Variants in ATG12 observed in about 807,000 individuals in gnomAD.
ATG12 encodes the protein ubiquitin-like protein ATG12.
Under a neutral mutation model 17.6 loss-of-function variants are expected in ATG12, and 19 were observed. The observed-to-expected ratio is 1.08, with a 90% CI of 0.75 to 1.58. The LOEUF (loss-of-function observed/expected upper bound fraction) is 1.58, where lower values mean the gene tolerates loss of function less well. Among genes scored for constraint, ATG12 ranks in the 40% most tolerant of loss-of-function variants. The pLI, the probability that ATG12 is intolerant of heterozygous loss-of-function variation, is 0.00. For synonymous variants in ATG12, 75 were observed against 62.4 expected (o/e 1.20, Z -0.95); for missense variants, 214 against 162.0 (o/e 1.32, Z -1.74).
Position 115,841,317 on chromosome 5 carries a change from T to A in ATG12, c.163+73A>T. 2.5e-6 allele frequency: 4 copies of A among 1,592,628 alleles called. No homozygotes were observed. The Admixed American group carries it at 7.3e-5, about 29-fold the overall frequency. On this transcript the variant is annotated intron_variant, in intron 1 of 3. Coordinates refer to ENST00000509910, the MANE Select transcript of ATG12 (RefSeq NM_004707.4). ...CAGGCGCTCCTCTAAATTTTGCTTC[T>A]TTACTGGCCGCCACCCCTACTCGGA...
In ATG12 at chr5:115,832,599, T is replaced by TTAAAAA; in HGVS notation, c.363+2_363+3insTTTTTA. 2 of 952,586 alleles carry TTAAAAA rather than the reference T, an allele frequency of 2.1e-6. No homozygotes were observed. The highest frequency in any genetic ancestry group is 3.0e-6 in the Non-Finnish European group (2 of 670,386). 59.0% of individuals were successfully genotyped at this position (952,586 alleles called of 1,614,324 possible). A position where few individuals can be genotyped will look rare whatever the true frequency, so the allele number is the denominator to read the frequency against. ...TTTTTTTTTTTTTTTTTTTTTTTTT[T>TTAAAAA]ACCTCATAGAGAGTTCCAACTTCTT... On this transcript the variant is annotated splice_region_variant and intron_variant, in intron 3 of 3. Transcript: ENST00000509910.
intron 2 of ATG12, among the ~76,000 whole-genome samples, chr5:115,835,578 GTCCCAGAGCCCTCCTGGGTCCA>G (rs1269662254): frequency 6.6e-6 from 1 of 151,804 alleles, no homozygotes; most frequent in African/African-American, 2.4e-5. Context: ...TCAGTATGGG[GTCCCAGAGCCCTCCTGGGTCCA>G]TTTTGAGATT....
At chr5:115,839,828 T>G (rs1010343965) in intron 1 of ATG12, among the ~76,000 whole-genome samples, 2 of 152,336 alleles carry the variant, frequency 1.3e-5, no homozygotes, top group East Asian at 3.9e-4. Context: ...AAGGTAGGAA[T>G]AGTTAGAAAC....
intron 2 of ATG12, chr5:115,835,262 G>A (rs1761046236): frequency 6.6e-6 from 1 of 152,066 alleles, no homozygotes; most frequent in Non-Finnish European, 1.5e-5. Flanking sequence ...ATCGTCTCTA[G>A]GGATGCTGTT....
intron 2 of ATG12, chr5:115,834,032 C>G (rs1760993874): frequency 6.6e-6 from 1 of 152,098 alleles, no homozygotes. Flanking sequence ...GAGAAAAGTA[C>G]ATCTAATGAA....
At chr5:115,835,620 C>T (rs1239153170) in intron 2 of ATG12, among the ~76,000 whole-genome samples, 1 of 152,154 alleles carries the variant, frequency 6.6e-6, no homozygotes, top group African/African-American at 2.4e-5. Flanking sequence ...TGTTTGAGCC[C>T]TTCAAGTCCT....
chr5:115,840,417 C>G, intron 1 of ATG12: 1 of 225,696 alleles, frequency 4.4e-6, no homozygotes, highest in Non-Finnish European at 8.9e-6. Context: ...CCTGCCTCAG[C>G]CTCCCGAGTA....
intron 2 of ATG12, 161 bp from the exon 3 acceptor site, chr5:115,832,825 A>AGAT: frequency 1.7e-6 from 1 of 598,306 alleles, no homozygotes; most frequent in South Asian, 4.9e-5. Context: ...AGAGATCATT[A>AGAT]CGAAGATCTC....
chr5:115,834,706 C>T (rs1761019913), intron 2 of ATG12, among the ~76,000 whole-genome samples: 1 of 152,148 alleles, frequency 6.6e-6, no homozygotes, highest in Non-Finnish European at 1.5e-5. Flanking sequence ...GATATGAAAG[C>T]CTTATTTCAC....
Position 115,831,680 on chromosome 5 carries a change from G to A in ATG12, c.*124C>T. On this transcript the variant is annotated 3_prime_UTR_variant, in exon 4 of 4. Coordinates refer to ENST00000509910, the MANE Select transcript of ATG12 (RefSeq NM_004707.4). ...GGATGTTTTCTTATGCATAAACATA[G>A]AGTAGACACATACTAAATAGATCAC... 2.3e-6 allele frequency: 2 copies of A among 858,066 alleles called. No homozygotes were observed. Among genetic ancestry groups the A allele is most frequent in the Non-Finnish European group, 3.8e-6 (2 of 533,104 alleles). 53.2% of individuals were successfully genotyped at this position (858,066 alleles called of 1,614,324 possible).
At position 115,830,330 on chromosome 5, in the gene ATG12, G is replaced by A. The variant is rs182004521; in HGVS notation, c.*1474C>T. On this transcript the variant is annotated 3_prime_UTR_variant, in exon 4 of 4. Coordinates refer to ENST00000509910, the MANE Select transcript of ATG12 (RefSeq NM_004707.4). ...GAGGTCTATCATCTGAACCCTCAGT[G>A]GCAAACAATACGAAAATTCAACATA... 7.1e-4 allele frequency: 107 copies of A among 151,704 alleles called. No homozygotes were observed. The highest frequency in any genetic ancestry group is 2.4e-3 in the African/African-American group (98 of 41,336). 9.4% of individuals were successfully genotyped at this position (151,704 alleles called of 1,614,324 possible). A position where few individuals can be genotyped will look rare whatever the true frequency, so the allele number is the denominator to read the frequency against.
rs987628408 is a variant in ATG12 at position 115,831,825 on chromosome 5, G to C, written c.402C>G (p.Cys134Trp). The change falls in exon 4 of 4, where the codon TGC becomes TGG. Residue 134 changes from cysteine to tryptophan, a missense_variant. Cys to Trp is a radical substitution (Grantham distance 215). Coordinates refer to ENST00000509910, the MANE Select transcript of ATG12 (RefSeq NM_004707.4). ...GSDGKLVLHY[C>W]KSQAWG ...TGGTTCATCCCCACGCCTGAGACTT[G>C]CAGTAATGTAAAACCAGTTTACCAT... 1.4e-5 allele frequency: 23 copies of C among 1,612,062 alleles called. No individual in the cohort carries two copies. The highest frequency in any genetic ancestry group is 2.0e-5 in the Non-Finnish European group (23 of 1,179,394).
At position 115,829,143 on chromosome 5, in the gene ATG12, A is replaced by C. The variant is rs1320262850; in HGVS notation, c.*2661T>G. 1 of 152,204 alleles carries C rather than the reference A, an allele frequency of 6.6e-6. No homozygotes were observed. The highest frequency in any genetic ancestry group is 1.5e-5 in the Non-Finnish European group (1 of 68,032). 9.4% of individuals were successfully genotyped at this position (152,204 alleles called of 1,614,324 possible). A position where few individuals can be genotyped will look rare whatever the true frequency, so the allele number is the denominator to read the frequency against. ...GTAGTATTTGCTGAACTGTTTTCTG[A>C]ATAGTTTTCATTACGTGGCCTGTAG... On this transcript the variant is annotated 3_prime_UTR_variant, in exon 4 of 4. Transcript: ENST00000509910.
chr5:115,840,938 G>A (rs1191081787), intron 1 of ATG12: 10 of 1,264,246 alleles, frequency 7.9e-6, no homozygotes, highest in South Asian at 5.0e-5. Context: ...CAACCAACTG[G>A]GAGGGGGAAA....
chr5:115,831,852 A>G lies in ATG12; in HGVS notation c.375T>C (p.Ser125=), dbSNP rs1760882866. Residue 125 remains serine (S), a synonymous_variant, in exon 4 of 4, where the codon AGT becomes AGC. Coordinates refer to ENST00000509910, the MANE Select transcript of ATG12 (RefSeq NM_004707.4). ...AGTAATGTAAAACCAGTTTACCATC[A>G]CTGCCAAAACACTACAAAAAAAAAA... The part of the protein sequence containing the change: ...EVGTLYECFG[S]DGKLVLHYCK... The G allele has an allele frequency of 6.2e-7, 1 of 1,610,972 alleles. No individual in the cohort carries two copies. The highest frequency in any genetic ancestry group is 8.5e-7 in the Non-Finnish European group (1 of 1,178,886).
chr5:115,839,204 ACT>A (rs1761227567), intron 1 of ATG12: 1 of 151,650 alleles, frequency 6.6e-6, no homozygotes, highest in South Asian at 2.1e-4. Context: ...CCTAAAGTTA[ACT>A]CTATTCTATT....
intron 2 of ATG12, 130 bp downstream of exon 2, chr5:115,837,498 A>C (rs1233726114): frequency 7.3e-6 from 7 of 957,470 alleles, no homozygotes; most frequent in Non-Finnish European, 1.1e-5. Context: ...AATAAAAATA[A>C]AGGGATAAAA....
At chr5:115,841,304 TA>T (rs1580583040) in intron 1 of ATG12, 85 bp downstream of exon 1, 18 of 1,572,746 alleles carry the variant, frequency 1.1e-5, no homozygotes, top group Non-Finnish European at 1.4e-5. Flanking sequence ...GGCGCTCCTC[TA>T]AATTTTGCTT....
rs1761500349 is a variant in ATG12 at position 115,841,563 on chromosome 5, G to A, written c.-11C>T. The A allele has an allele frequency of 1.9e-6, 3 of 1,614,128 alleles. No homozygotes were observed. The highest frequency in any genetic ancestry group is 1.7e-5 in the Admixed American group (1 of 60,010). ...CGGCTCCTCCGCCATCTTGCTTGGA[G>A]ACACTCGAGAGCGGAAGTAGCGACT... On this transcript the variant is annotated 5_prime_UTR_variant, in exon 1 of 4. Coordinates refer to ENST00000509910, the MANE Select transcript of ATG12 (RefSeq NM_004707.4).
Sources: allele counts gnomAD v4.1 joint callset (sites outside exome capture counted in the v4.1 genomes callset), GRCh38; gene constraint gnomAD v4.1.1; transcripts MANE v1.5; gene names NCBI Gene and HGNC (gene_info 2026-07-23, HGNC 2026-07-21).